Variants in MICAL2 observed in about 807,000 individuals in gnomAD.
MICAL2 encodes the protein [F-actin]-monooxygenase MICAL2.
In MICAL2, 77 loss-of-function variants were observed where a neutral mutation model predicts 127.3. The observed-to-expected ratio is 0.60, with a 90% CI of 0.50 to 0.73. The LOEUF is 0.73. Ranked by LOEUF, MICAL2 falls within the 30% of genes least tolerant of loss-of-function variation. The pLI, the probability that MICAL2 is intolerant of heterozygous loss-of-function variation, is 0.00. For missense variants in MICAL2, 1,351 were observed against 1,434.4 expected, an observed-to-expected ratio of 0.94 and a Z score of 0.94; for synonymous variants, 570 against 551.1, an observed-to-expected ratio of 1.03 and a Z score of -0.48.
intron 3 of MICAL2, among the ~76,000 whole-genome samples, chr11:12,183,710 G>C (rs1157475725): frequency 6.6e-6 from 1 of 152,222 alleles, no homozygotes; most frequent in Non-Finnish European, 1.5e-5. Context: ...ACGGTGGTGT[G>C]GCACAGGGCC....
intron 29 of MICAL2, among the ~76,000 whole-genome samples, chr11:12,317,108 T>C (rs11600155): frequency 6.6e-6 from 1 of 152,240 alleles, no homozygotes; most frequent in Non-Finnish European, 1.5e-5. Flanking sequence ...GGGATTTCTA[T>C]GCTTAGGTGT....
At chr11:12,272,251 G>A (rs1318337072), upstream of MICAL2, among the ~76,000 whole-genome samples, 1 of 152,140 alleles carries the variant, frequency 6.6e-6, no homozygotes, top group Non-Finnish European at 1.5e-5. Flanking sequence ...GGCCACCCTG[G>A]ACTCCACCAC....
At chr11:12,248,466 G>T (rs1019116861) in intron 21 of MICAL2, among the ~76,000 whole-genome samples, 1 of 152,212 alleles carries the variant, frequency 6.6e-6, no homozygotes, top group Non-Finnish European at 1.5e-5. Context: ...AATGGCTATT[G>T]GCTGCTGGCT....
At chr11:12,271,511 G>T (rs1863675814), upstream of MICAL2, among the ~76,000 whole-genome samples, 1 of 152,164 alleles carries the variant, frequency 6.6e-6, no homozygotes, top group Non-Finnish European at 1.5e-5. Flanking sequence ...GGCTGGCCTG[G>T]TGGGTGTTCT....
intron 15 of MICAL2, among the ~76,000 whole-genome samples, chr11:12,235,869 C>T (rs574349723): frequency 2.6e-5 from 4 of 152,314 alleles, no homozygotes; most frequent in African/African-American, 4.8e-5. Flanking sequence ...CCTATGTCAC[C>T]GGGATTCTTT....
At chr11:12,264,723 G>T (rs879571805), downstream of MICAL2, among the ~76,000 whole-genome samples, 8 of 152,166 alleles carry the variant, frequency 5.3e-5, no homozygotes, top group Non-Finnish European at 8.8e-5. Flanking sequence ...TCTTACCTGG[G>T]TGATATATTC....
intron 29 of MICAL2, among the ~76,000 whole-genome samples, chr11:12,313,126 C>G (rs1864193504): frequency 7.7e-6 from 1 of 129,322 alleles, no homozygotes; most frequent in African/African-American, 2.9e-5. Flanking sequence ...CGAGATAGCA[C>G]CACTGCACTC....
rs181689285 is a variant in MICAL2, at chr11:12,321,254, G to A, written c.5328+1443G>A. 1.2e-4 allele frequency among the ~76,000 whole-genome samples: 18 copies of A among 152,238 alleles called. No homozygotes were observed. The East Asian group carries it at 2.3e-3, about 20-fold the overall frequency. On this transcript the variant is annotated intron_variant, in intron 30 of 34. Transcript: ENST00000646065. ...GCCCACTCTTACACTAAGGGAAGCT[G>A]GCAAGAAGATTTCTTTTTTCCAAGT...
intron 4 of MICAL2, 43 bp downstream of exon 4, chr11:12,204,500 G>A: frequency 6.3e-7 from 1 of 1,589,512 alleles, no homozygotes; most frequent in South Asian, 1.1e-5. Context: ...GGAGGGGACT[G>A]ACCCTGGGTG....
chr11:12,264,124 C>T (rs1430989524), downstream of MICAL2, among the ~76,000 whole-genome samples: 1 of 152,188 alleles, frequency 6.6e-6, no homozygotes, highest in Non-Finnish European at 1.5e-5. Context: ...GTTTCCCCCG[C>T]ACACCCAAGC....
chr11:12,216,859 T>C (rs1042571942), intron 8 of MICAL2, among the ~76,000 whole-genome samples: 1 of 152,180 alleles, frequency 6.6e-6, no homozygotes, highest in African/African-American at 2.4e-5. Flanking sequence ...ATAGGAATGA[T>C]AGTTTCTGCC....
At chr11:12,270,927 C>T (rs1253960863) in intron 24 of MICAL2, among the ~76,000 whole-genome samples, 2 of 152,184 alleles carry the variant, frequency 1.3e-5, no homozygotes, top group Non-Finnish European at 2.9e-5. Flanking sequence ...CAATTTCACC[C>T]GCAGAACCAG....
chr11:12,247,373 T>C (rs1361501686), intron 21 of MICAL2, among the ~76,000 whole-genome samples: 1 of 152,230 alleles, frequency 6.6e-6, no homozygotes, highest in Admixed American at 6.5e-5. Flanking sequence ...GCGTTGGCCA[T>C]TAGATGATGT....
Position 12,244,070 on chromosome 11 carries a change from T to G in MICAL2, c.2742T>G (p.Ser914=). 6.2e-7 allele frequency: 1 copy of G among 1,614,232 alleles called. No individual in the cohort carries two copies. The highest frequency in any genetic ancestry group is 8.5e-7 in the Non-Finnish European group (1 of 1,180,034). ...TTCCGTCTCCTGATCCAGCTGCTTC[T>G]TCCTCTCCATCAACTGTTGACTCTG... The part of the protein sequence containing the change: ...SRLPSPDPAA[S]SSPSTVDSAS... The change falls in exon 21 of 28, where the codon TCT becomes TCG. Residue 914 remains serine, a synonymous_variant. Transcript: ENST00000683283.
intron 3 of MICAL2, among the ~76,000 whole-genome samples, chr11:12,169,091 C>T (rs921474854): frequency 2.0e-5 from 3 of 151,858 alleles, no homozygotes; most frequent in African/African-American, 7.3e-5. Context: ...TTCTCCACTC[C>T]CCCAGTTTTC....
downstream of MICAL2, chr11:12,294,996 A>G (rs1394231874): frequency 8.6e-6 from 11 of 1,274,976 alleles, no homozygotes; most frequent in Non-Finnish European, 1.1e-5. Flanking sequence ...AAAGGCAAAA[A>G]ATTTGAAAAA....
downstream of MICAL2, among the ~76,000 whole-genome samples, chr11:12,291,076 G>A (rs566624408): frequency 1.3e-5 from 2 of 152,330 alleles, no homozygotes; most frequent in African/African-American, 4.8e-5. Flanking sequence ...GAAGCAGGGA[G>A]TTGAACAAGA....
At chr11:12,152,655 T>C (rs1853727724) in intron 2 of MICAL2, among the ~76,000 whole-genome samples, 1 of 151,870 alleles carries the variant, frequency 6.6e-6, no homozygotes, top group African/African-American at 2.4e-5. Flanking sequence ...GAATAGGAGA[T>C]AAAAATGGGG....
downstream of MICAL2, chr11:12,292,107 AC>A (rs747707427): frequency 4.0e-5 from 63 of 1,590,030 alleles, no homozygotes; most frequent in East Asian, 1.4e-3. Flanking sequence ...AAATAATAAC[AC>A]CTTTGTAATG....
Sources: allele counts gnomAD v4.1 joint callset (sites outside exome capture counted in the v4.1 genomes callset), GRCh38; gene constraint gnomAD v4.1.1; transcripts MANE v1.5; gene names NCBI Gene and HGNC (gene_info 2026-07-23, HGNC 2026-07-21).